The following SCAMP1 variants were observed in gnomAD, a reference collection of about 807,000 sequenced individuals.
SCAMP1 encodes the protein secretory carrier-associated membrane protein 1.
In SCAMP1, 15 loss-of-function variants were observed where a neutral mutation model predicts 41.8. The ratio of observed to expected loss-of-function variants is 0.36; its 90% CI spans 0.24 to 0.55. SCAMP1 has a LOEUF of 0.55. SCAMP1 is among the 20% of genes least tolerant of loss of function. The pLI is 0.86. For missense variants in SCAMP1, 341 were observed against 412.6 expected, an observed-to-expected ratio of 0.83 and a Z score of 1.50; for synonymous variants, 135 against 136.8, an observed-to-expected ratio of 0.99 and a Z score of 0.09.
intron 8 of SCAMP1, among the ~76,000 whole-genome samples, chr5:78,473,593 C>G (rs1753936291): frequency 6.6e-6 from 1 of 152,096 alleles, no homozygotes; most frequent in African/African-American, 2.4e-5. Flanking sequence ...GCATAGTACC[C>G]AATTGGTAGT....
intron 1 of SCAMP1, among the ~76,000 whole-genome samples, chr5:78,369,296 G>A (rs11739452): frequency 0.28 from 42,718 of 151,768 alleles, 6,309 homozygotes; most frequent in East Asian, 0.54. Flanking sequence ...TAGTAGAGAC[G>A]GGGTTTCACC....
At chr5:78,443,363 C>T (rs1752975684) in intron 6 of SCAMP1, among the ~76,000 whole-genome samples, 1 of 152,086 alleles carries the variant, frequency 6.6e-6, no homozygotes, top group Admixed American at 6.6e-5. Flanking sequence ...TAGTGTGCCT[C>T]ACGTGGGTGT....
intron 7 of SCAMP1, among the ~76,000 whole-genome samples, chr5:78,456,889 T>A (rs1160075727): frequency 1.7e-5 from 2 of 117,814 alleles, no homozygotes; most frequent in African/African-American, 7.3e-5. Context: ...CATTTCTTTT[T>A]ATTCTTTTTT....
intron 8 of SCAMP1, among the ~76,000 whole-genome samples, chr5:78,464,887 G>A (rs553151668): frequency 1.1e-4 from 16 of 152,314 alleles, no homozygotes; most frequent in Admixed American, 7.2e-4. Context: ...TAATGGTGAC[G>A]TCTCACAGCT....
intron 4 of SCAMP1, 72 bp from the exon 5 acceptor site, chr5:78,418,703 T>C: frequency 1.9e-6 from 2 of 1,043,412 alleles, no homozygotes; most frequent in Middle Eastern, 6.2e-4. Context: ...TTTTCTTTAT[T>C]ATGAAACAAA....
chr5:78,392,357 A>G (rs952961926), intron 2 of SCAMP1, among the ~76,000 whole-genome samples: 6 of 152,232 alleles, frequency 3.9e-5, no homozygotes, highest in Admixed American at 6.5e-5. Context: ...CTGGCTTATT[A>G]ACTCGTGTTA....
intron 2 of SCAMP1, among the ~76,000 whole-genome samples, chr5:78,402,474 T>C (rs1397625581): frequency 6.6e-6 from 1 of 152,192 alleles, no homozygotes; most frequent in Non-Finnish European, 1.5e-5. Context: ...TTCCATTAGT[T>C]TTTGCCTCTT....
rs577027212 is a variant in SCAMP1 at position 78,383,185 on chromosome 5, TAATG to T, written c.58-5650_58-5647del. On this transcript the variant is annotated intron_variant, in intron 1 of 8. Transcript: ENST00000621999. ...GTGGTTTTGCTTTGCATTTCCCTGA[TAATG>T]AGTGATGTTGAGCATTTTTCATATG... 1.8e-4 allele frequency among the ~76,000 whole-genome samples: 28 copies of T among 152,356 alleles called. No individual in the cohort carries two copies. The South Asian group carries it at 5.0e-3, about 27-fold the overall frequency.
chr5:78,473,890 G>A (rs1753943424), intron 8 of SCAMP1, among the ~76,000 whole-genome samples: 1 of 151,982 alleles, frequency 6.6e-6, no homozygotes, highest in Non-Finnish European at 1.5e-5. Flanking sequence ...CATAGATTGG[G>A]TAGCTTAAAC....
chr5:78,466,109 G>T (rs1753738860), intron 8 of SCAMP1, among the ~76,000 whole-genome samples: 1 of 152,232 alleles, frequency 6.6e-6, no homozygotes, highest in Non-Finnish European at 1.5e-5. Flanking sequence ...GTATTATTGA[G>T]GGTGTTTTAT....
intron 2 of SCAMP1, among the ~76,000 whole-genome samples, chr5:78,404,538 G>A (rs1751885943): frequency 6.8e-6 from 1 of 146,586 alleles, no homozygotes; most frequent in African/African-American, 2.6e-5. Flanking sequence ...TTGTGTGGTG[G>A]CAAGGTGTTC....
rs186321416 is a variant in SCAMP1, at chr5:78,384,573, G to A, written c.58-4264G>A. Among the ~76,000 whole-genome samples, 12 of 152,096 alleles carry A rather than the reference G, an allele frequency of 7.9e-5. 1 individual carries two copies. The highest frequency in any genetic ancestry group is 2.9e-4 in the African/African-American group (12 of 41,516). On this transcript the variant is annotated intron_variant, in intron 1 of 8. Transcript: ENST00000621999. ...TGCTTTCAAGTTTTCCCCGTTCAGT[G>A]TAATGTTGGCTGTAGGTTTGTCATA...
chr5:78,450,481 A>G (rs1421366638), intron 7 of SCAMP1, among the ~76,000 whole-genome samples: 2 of 152,236 alleles, frequency 1.3e-5, no homozygotes, highest in Non-Finnish European at 2.9e-5. Context: ...GAAAGGTAGA[A>G]TAACTGCACA....
intron 6 of SCAMP1, among the ~76,000 whole-genome samples, chr5:78,442,644 G>A (rs1055504299): frequency 6.6e-6 from 1 of 152,080 alleles, no homozygotes; most frequent in East Asian, 1.9e-4. Flanking sequence ...GTTGATTTCC[G>A]TTTTCCTTTT....
intron 1 of SCAMP1, among the ~76,000 whole-genome samples, chr5:78,382,919 A>G (rs575848519): frequency 8.5e-5 from 13 of 152,202 alleles, no homozygotes; most frequent in Non-Finnish European, 1.3e-4. Context: ...GCCTGTGCAA[A>G]TATCTTTTTC....
At chr5:78,376,857 T>C (rs1459420657) in intron 1 of SCAMP1, among the ~76,000 whole-genome samples, 1 of 152,174 alleles carries the variant, frequency 6.6e-6, no homozygotes, top group Non-Finnish European at 1.5e-5. Context: ...TTTGCTTGTG[T>C]GCATTTTAAA....
chr5:78,414,182 A>G (rs1054856306), intron 2 of SCAMP1, among the ~76,000 whole-genome samples: 1 of 151,912 alleles, frequency 6.6e-6, no homozygotes, highest in Non-Finnish European at 1.5e-5. Context: ...GACTTCCCAG[A>G]TATTTTATGG....
At chr5:78,464,073 GT>G (rs898743819) in intron 8 of SCAMP1, among the ~76,000 whole-genome samples, 23 of 152,296 alleles carry the variant, frequency 1.5e-4, no homozygotes, top group African/African-American at 5.3e-4. Flanking sequence ...CGCCTCCCGG[GT>G]TCAAGCGATT....
intron 1 of SCAMP1, among the ~76,000 whole-genome samples, chr5:78,384,280 A>G (rs764966705): frequency 1.3e-5 from 2 of 148,176 alleles, no homozygotes; most frequent in African/African-American, 2.5e-5. Flanking sequence ...ATTTGTGTAC[A>G]TTAATGTTGT....
Sources: allele counts gnomAD v4.1 joint callset (sites outside exome capture counted in the v4.1 genomes callset), GRCh38; gene constraint gnomAD v4.1.1; transcripts MANE v1.5; gene names NCBI Gene and HGNC (gene_info 2026-07-23, HGNC 2026-07-21).